PIEZO2: variants seen among roughly 807,000 people sequenced by gnomAD.
PIEZO2 encodes piezo type mechanosensitive ion channel component 2, also known as piezo-type mechanosensitive ion channel component 2.
A neutral mutation model predicts 337.3 loss-of-function variants in PIEZO2; 172 were observed. The observed-to-expected ratio is 0.51, with a 90% CI of 0.45 to 0.58. PIEZO2 has a LOEUF of 0.58. Ranked by LOEUF, PIEZO2 falls within the 20% of genes least tolerant of loss-of-function variation. The probability of loss-of-function intolerance (pLI) is 0.00; values close to 1 mark genes in which losing one functional copy is unlikely to be tolerated. For synonymous variants in PIEZO2, 1,251 were observed against 1,228.5 expected, an observed-to-expected ratio of 1.02 and a Z score of -0.38; for missense variants, 3,028 against 3,391.3, an observed-to-expected ratio of 0.89 and a Z score of 2.66.
chr18:11,069,516 GA>G lies in PIEZO2; in HGVS notation c.65-3295del, dbSNP rs1399721580. On this transcript the variant is annotated intron_variant, in intron 1 of 55. Coordinates refer to ENST00000674853, the MANE Select transcript of PIEZO2 (RefSeq NM_001378183.1). This position sits in a 1 kb window ranked among gnomAD's most constrained non-coding sequence, Gnocchi z 4.9. ...AATTCTCAACAAATTACATATAGAAGAAATGGACTTCAACACAATAAAGGCC... is the reference window on the plus strand; with the variant it reads ...AATTCTCAACAAATTACATATAGAAGAATGGACTTCAACACAATAAAGGCC... 6.6e-6 allele frequency among the ~76,000 whole-genome samples: 1 copy of G among 152,062 alleles called. No homozygotes were observed. The highest frequency in any genetic ancestry group is 2.4e-5 in the African/African-American group (1 of 41,408).
At chr18:10,789,696 C>T (rs1217557623) in intron 14 of PIEZO2, among the ~76,000 whole-genome samples, 1 of 152,124 alleles carries the variant, frequency 6.6e-6, no homozygotes, top group Non-Finnish European at 1.5e-5. Context: ...ATCTAAATGA[C>T]TATATCAATT....
Position 11,080,822 on chromosome 18 carries a change from G to A in PIEZO2, c.65-14600C>T, listed in dbSNP as rs532797734. Among the ~76,000 whole-genome samples the A allele has an allele frequency of 1.7e-3, 263 of 152,286 alleles. 1 individual carries two copies. The highest frequency in any genetic ancestry group is 2.8e-3 in the Non-Finnish European group (189 of 68,034). On this transcript the variant is annotated intron_variant, in intron 1 of 55. Transcript: ENST00000674853. This position sits in a 1 kb window ranked among gnomAD's most constrained non-coding sequence, Gnocchi z 5.4. ...TGGTGCCACTGCACCCCAGCCTGGCGACAGAGCAAGGCTCTGTCAATAAAT... is the reference window on the plus strand; with the variant it reads ...TGGTGCCACTGCACCCCAGCCTGGCAACAGAGCAAGGCTCTGTCAATAAAT...
chr18:10,804,068 C>A, intron 8 of PIEZO2, 74 bp from the exon 9 acceptor site: 1 of 1,485,300 alleles, frequency 6.7e-7, no homozygotes. Context: ...CAAGACAGAG[C>A]TTTTCATTTT....
chr18:10,857,152 T>C lies in PIEZO2; in HGVS notation c.552A>G (p.Gly184=). The change falls in exon 6 of 56, where the codon GGA becomes GGG. Residue 184 remains glycine (G), a synonymous_variant. Coordinates refer to ENST00000674853, the MANE Select transcript of PIEZO2 (RefSeq NM_001378183.1). ...CCAACTCGCCTTCAACACCATCTCC[T>C]CCATTGAAATCCTCTTCATAGATCA... ...EALIYEEDFN[G]GDGVEGELEE... is the part of the protein sequence containing the mutation. The C allele has an allele frequency of 6.5e-7, 1 of 1,537,890 alleles. No individual in the cohort carries two copies. Among genetic ancestry groups the C allele is most frequent in the Non-Finnish European group, 8.7e-7 (1 of 1,147,040 alleles).
rs1386002616 is a variant in PIEZO2, at chr18:11,031,017, T to A, written c.160+35110A>T. ...TGTTGTTGTTGTTGTTGAGACGGAGTCTTGCTCTGTTGCCCAGGCTGGAGT... is the reference window on the plus strand; with the variant it reads ...TGTTGTTGTTGTTGTTGAGACGGAGACTTGCTCTGTTGCCCAGGCTGGAGT... On this transcript the variant is annotated intron_variant, in intron 2 of 55. Coordinates refer to ENST00000674853, the MANE Select transcript of PIEZO2 (RefSeq NM_001378183.1). This position sits in a 1 kb window ranked among gnomAD's most constrained non-coding sequence, Gnocchi z 4.7. Among the ~76,000 whole-genome samples, 1 of 152,030 alleles carries A rather than the reference T, an allele frequency of 6.6e-6. No homozygotes were observed. The highest frequency in any genetic ancestry group is 6.5e-5 in the Admixed American group (1 of 15,268).
rs1407573954 is a variant in PIEZO2 at position 10,824,660 on chromosome 18, T to C, written c.918-17386A>G. 6.6e-6 allele frequency among the ~76,000 whole-genome samples: 1 copy of C among 152,106 alleles called. No individual in the cohort carries two copies. The highest frequency in any genetic ancestry group is 2.4e-5 in the African/African-American group (1 of 41,452). On this transcript the variant is annotated intron_variant, in intron 7 of 55. Coordinates refer to ENST00000674853, the MANE Select transcript of PIEZO2 (RefSeq NM_001378183.1). The surrounding 1 kb of genome is among the most constrained non-coding windows in gnomAD (Gnocchi z 4.4). ...AACAAGTTCCAAGATATATTTCAAG[T>C]GTTTTTTTAAATTTTAGAACAATTT...
intron 3 of PIEZO2, among the ~76,000 whole-genome samples, chr18:10,957,006 G>A (rs565557290): frequency 2.0e-5 from 3 of 150,408 alleles, no homozygotes; most frequent in African/African-American, 7.3e-5. Context: ...CAGTGGAACA[G>A]GATATACAGT....
intron 3 of PIEZO2, among the ~76,000 whole-genome samples, chr18:10,912,849 CT>C (rs2030600377): frequency 6.6e-6 from 1 of 152,112 alleles, no homozygotes. Context: ...TAATAAATGA[CT>C]AAATTTCGGA....
chr18:10,957,049 G>A (rs1054553824), intron 3 of PIEZO2, among the ~76,000 whole-genome samples: 27 of 151,462 alleles, frequency 1.8e-4, no homozygotes, highest in African/African-American at 6.3e-4. Flanking sequence ...GTGGTCAATT[G>A]ATTTTCAACA....
intron 1 of PIEZO2, among the ~76,000 whole-genome samples, chr18:11,140,031 T>C (rs542481743): frequency 1.9e-4 from 29 of 152,300 alleles, no homozygotes; most frequent in South Asian, 6.2e-4. Flanking sequence ...GGTGATCACA[T>C]GGCCCCTGCC....
Position 11,146,634 on chromosome 18 carries a change from A to T in PIEZO2, c.64+1891T>A, listed in dbSNP as rs2040818763. 6.6e-6 allele frequency among the ~76,000 whole-genome samples: 1 copy of T among 152,194 alleles called. No individual in the cohort carries two copies. The highest frequency in any genetic ancestry group is 6.5e-5 in the Admixed American group (1 of 15,288). On this transcript the variant is annotated intron_variant, in intron 1 of 55. Transcript: ENST00000674853. This position sits in a 1 kb window ranked among gnomAD's most constrained non-coding sequence, Gnocchi z 6.1. ...CAACCCCAGCATCCGCGGGGCTTGG[A>T]GGCAGGTGAGCTGAGTCCAGGGAGC...
intron 2 of PIEZO2, among the ~76,000 whole-genome samples, chr18:11,008,170 A>C (rs1201064461): frequency 6.6e-6 from 1 of 152,126 alleles, no homozygotes; most frequent in Non-Finnish European, 1.5e-5. Flanking sequence ...GAATTTGGAA[A>C]TGTCATCTTA....
In PIEZO2 at chr18:11,083,738, C is replaced by T. The variant is rs533734113; in HGVS notation, c.65-17516G>A. Among the ~76,000 whole-genome samples, 12 of 152,266 alleles carry T rather than the reference C, an allele frequency of 7.9e-5. No homozygotes were observed. The highest frequency in any genetic ancestry group is 3.9e-4 in the East Asian group (2 of 5,174). ...AAATTTGCAGAAATTGTCCTGAGAT[C>T]GGTAGGCTCTCCGAGGCTAGAGGCA... On this transcript the variant is annotated intron_variant, in intron 1 of 55. Coordinates refer to ENST00000674853, the MANE Select transcript of PIEZO2 (RefSeq NM_001378183.1). The surrounding 1 kb of genome is among the most constrained non-coding windows in gnomAD (Gnocchi z 4.4).
In PIEZO2 at chr18:10,745,935, C is replaced by T. The variant is rs188969223; in HGVS notation, c.4425-1704G>A. On this transcript the variant is annotated intron_variant, in intron 30 of 55. Transcript: ENST00000674853. ...TTTGAGTTCCTATATTTGGGACTGG[C>T]ACCACCGTTTGGCTAAGCCAGAATC... is the stretch of plus-strand genomic sequence containing the variant. Among the ~76,000 whole-genome samples, 49 of 152,254 alleles carry T rather than the reference C, an allele frequency of 3.2e-4. No homozygotes were observed. In the East Asian group the frequency reaches 5.0e-3, roughly 16 times the overall value.
chr18:10,681,615 C>T (rs1473780942), intron 51 of PIEZO2, 46 bp downstream of exon 51: 2 of 1,451,892 alleles, frequency 1.4e-6, no homozygotes, highest in Non-Finnish European at 1.9e-6. Flanking sequence ...GTGAACTTCC[C>T]TAGATGAGAG....
At chr18:10,686,875 G>C (rs1354081729) in intron 49 of PIEZO2, among the ~76,000 whole-genome samples, 1 of 152,124 alleles carries the variant, frequency 6.6e-6, no homozygotes, top group Non-Finnish European at 1.5e-5. Flanking sequence ...TTATTCAATG[G>C]ATGGCAAAAG....
rs945491233 is a variant in PIEZO2, at chr18:10,878,271, G to A, written c.330-6856C>T. Among the ~76,000 whole-genome samples, 16 of 152,182 alleles carry A rather than the reference G, an allele frequency of 1.1e-4. No individual in the cohort carries two copies. Among genetic ancestry groups the A allele is most frequent in the South Asian group, 2.1e-4 (1 of 4,836 alleles). On this transcript the variant is annotated intron_variant, in intron 4 of 55. Coordinates refer to ENST00000674853, the MANE Select transcript of PIEZO2 (RefSeq NM_001378183.1). This position sits in a 1 kb window ranked among gnomAD's most constrained non-coding sequence, Gnocchi z 4.3. ...ATGCATGCTAGCTCCAGGACATATC[G>A]CTGCCTCTTCAAATATTTGTTCTTT... is the stretch of plus-strand genomic sequence containing the variant.
At chr18:10,902,566 C>T (rs1200556529) in intron 4 of PIEZO2, among the ~76,000 whole-genome samples, 1 of 152,128 alleles carries the variant, frequency 6.6e-6, no homozygotes. Flanking sequence ...CACCCCTCCT[C>T]CCAAAAACGT....
In PIEZO2 at chr18:10,736,721, CA is replaced by C. The variant is rs1434177616; in HGVS notation, c.4709-12del. 30 of 1,532,958 alleles carry C rather than the reference CA, an allele frequency of 2.0e-5. No homozygotes were observed. The highest frequency in any genetic ancestry group is 2.4e-5 in the Non-Finnish European group (28 of 1,145,522). The allele number at this position is 1,532,958 out of a possible 1,614,324, so 95.0% of individuals were successfully genotyped here. On this transcript the variant is annotated splice_polypyrimidine_tract_variant and intron_variant, in intron 33 of 55. Coordinates refer to ENST00000674853, the MANE Select transcript of PIEZO2 (RefSeq NM_001378183.1). Reference sequence around the variant, plus strand: ...CTCCACTCCTGACCACTAAGCAAAACAAAATATTCACTCATTTCTTGAAAGA... The same window carrying C: ...CTCCACTCCTGACCACTAAGCAAAACAAATATTCACTCATTTCTTGAAAGA...
Sources: gnomAD v4.1 joint callset for allele counts (sites outside exome capture counted in the v4.1 genomes callset) on GRCh38, gnomAD v4.1.1 for gene constraint, Gnocchi (gnomAD v3.1) non-coding constraint, MANE v1.5 for transcripts, NCBI Gene and HGNC (gene_info 2026-07-23, HGNC 2026-07-21) for gene names.